The following CTSH variants were observed in gnomAD, a reference collection of about 807,000 sequenced individuals.
The protein encoded by CTSH is cathepsin H.
In CTSH, 52 loss-of-function variants were observed where a neutral mutation model predicts 56.3. That is an observed-to-expected ratio of 0.92 (90% confidence interval 0.74 to 1.16). CTSH has a LOEUF of 1.16. Ranked by LOEUF, CTSH falls within the 50% of genes most tolerant of loss-of-function variation. CTSH has a pLI of 0.00. For synonymous variants in CTSH, 174 were observed against 155.7 expected (o/e 1.12, Z -0.88); for missense variants, 406 against 424.5 (o/e 0.96, Z 0.38).
At chr15:78,937,162 A>G (rs1286781599) in intron 3 of CTSH, 156 bp downstream of exon 3, 1 of 632,624 alleles carries the variant, frequency 1.6e-6, no homozygotes, top group African/African-American at 1.8e-5. Context: ...CACATTACAC[A>G]GAGAGTAACA....
rs562562676 is a variant in CTSH, at chr15:78,931,447, G to T, written c.548+4C>A. ...TTTTGGGCCCCTTCTGGTCAGAGACGTACCCTTGGCAGCCGTGATTATTGA... is the reference window on the plus strand; with the variant it reads ...TTTTGGGCCCCTTCTGGTCAGAGACTTACCCTTGGCAGCCGTGATTATTGA... On this transcript the variant is annotated splice_donor_region_variant and intron_variant, in intron 7 of 11. Transcript: ENST00000220166. 3 of 1,614,172 alleles carry T rather than the reference G, an allele frequency of 1.9e-6. No individual in the cohort carries two copies. The highest frequency in any genetic ancestry group is 2.5e-6 in the Non-Finnish European group (3 of 1,180,026).
chr15:78,922,093 C>T lies in CTSH; in HGVS notation c.*37G>A. The T allele has an allele frequency of 6.5e-7, 1 of 1,544,792 alleles. No homozygotes were observed. The highest frequency in any genetic ancestry group is 2.4e-5 in the East Asian group (1 of 41,008). Reference sequence around the variant, plus strand: ...ACCCAGGCCCAGGCTGCCCGTTCCTCTCCTTCTCCGCCAGTCTGCGCTGCG... The same window carrying T: ...ACCCAGGCCCAGGCTGCCCGTTCCTTTCCTTCTCCGCCAGTCTGCGCTGCG... On this transcript the variant is annotated 3_prime_UTR_variant, in exon 12 of 12. Transcript: ENST00000220166.
In CTSH at chr15:78,921,831, C is replaced by T. The variant is rs2054774675; in HGVS notation, c.*299G>A. On this transcript the variant is annotated 3_prime_UTR_variant, in exon 12 of 12. Coordinates refer to ENST00000220166, the MANE Select transcript of CTSH (RefSeq NM_004390.5). ...AATACAGAAAAGACAGTCCCTGGAG[C>T]TCTATATGTGGAAAGTAGCCCTTCT... The T allele has an allele frequency of 2.5e-6, 1 of 402,488 alleles. No individual in the cohort carries two copies. The highest frequency in any genetic ancestry group is 4.5e-6 in the Non-Finnish European group (1 of 221,070). The allele number at this position is 402,488 out of a possible 1,614,324, so 24.9% of individuals were successfully genotyped here.
At chr15:78,938,192 A>AC (rs942497070) in intron 2 of CTSH, among the ~76,000 whole-genome samples, 54 of 152,170 alleles carry the variant, frequency 3.5e-4, no homozygotes, top group African/African-American at 1.3e-3. Context: ...AACATGGCGA[A>AC]CCCCCATCTC....
Position 78,922,041 on chromosome 15 carries a change from C to T in CTSH, c.*89G>A. Reference sequence around the variant, plus strand: ...TGTTGGGGGTCCCAGTGGATCTCCCCACAACTTCCTCCAGGGCAGGATTTC... The same window carrying T: ...TGTTGGGGGTCCCAGTGGATCTCCCTACAACTTCCTCCAGGGCAGGATTTC... On this transcript the variant is annotated 3_prime_UTR_variant, in exon 12 of 12. Coordinates refer to ENST00000220166, the MANE Select transcript of CTSH (RefSeq NM_004390.5). 7.8e-7 allele frequency: 1 copy of T among 1,276,340 alleles called. No homozygotes were observed. The highest frequency in any genetic ancestry group is 1.1e-6 in the Non-Finnish European group (1 of 903,904). The allele number at this position is 1,276,340 out of a possible 1,614,324, so 79.1% of individuals were successfully genotyped here.
chr15:78,943,304 G>A (rs1044251714), intron 1 of CTSH, among the ~76,000 whole-genome samples: 1 of 152,058 alleles, frequency 6.6e-6, no homozygotes, highest in African/African-American at 2.4e-5. Context: ...ACCCAGGCTG[G>A]AGTGATCGCC....
intron 10 of CTSH, among the ~76,000 whole-genome samples, chr15:78,924,119 A>AGG (rs1567345760): frequency 8.8e-4 from 2 of 2,278 alleles, no homozygotes; most frequent in Non-Finnish European, 8.9e-4. Flanking sequence ...GAGGGTGGGC[A>AGG]GGGTGGGTCA....
chr15:78,927,522 A>G (rs934156744), intron 9 of CTSH, 191 bp downstream of exon 9: 1 of 589,162 alleles, frequency 1.7e-6, no homozygotes. Context: ...CCTGCCTGCC[A>G]GTTTGCGCTC....
At chr15:78,931,547 G>A in intron 6 of CTSH, 41 bp from the exon 7 acceptor site, 1 of 1,614,082 alleles carries the variant, frequency 6.2e-7, no homozygotes, top group Non-Finnish European at 8.5e-7. Flanking sequence ...CAGCTGAGAA[G>A]CCGTCAAGGC....
chr15:78,928,631 G>A (rs2054975272), intron 8 of CTSH, among the ~76,000 whole-genome samples: 1 of 151,336 alleles, frequency 6.6e-6, no homozygotes, highest in South Asian at 2.1e-4. Flanking sequence ...GTTGGAGTCT[G>A]GGCTTTCTCC....
At chr15:78,929,106 A>T (rs1160279829) in intron 8 of CTSH, among the ~76,000 whole-genome samples, 1 of 150,958 alleles carries the variant, frequency 6.6e-6, no homozygotes, top group Non-Finnish European at 1.5e-5. Flanking sequence ...GGCAGGAGGG[A>T]GAGGAGCCAG....
intron 7 of CTSH, 51 bp downstream of exon 7, chr15:78,931,400 C>A (rs369885048): frequency 6.2e-7 from 1 of 1,609,800 alleles, no homozygotes; most frequent in Non-Finnish European, 8.5e-7. Context: ...CCTGTCGAAG[C>A]GGTCAGTGGG....
rs2141535660 is a variant in CTSH, at chr15:78,931,476, C to T, written c.523G>A (p.Asp175Asn). The T allele has an allele frequency of 6.2e-7, 1 of 1,614,220 alleles. No homozygotes were observed. Among genetic ancestry groups the T allele is most frequent in the Non-Finnish European group, 8.5e-7 (1 of 1,180,036 alleles). ...CCTTGGCAGCCGTGATTATTGAAGT[C>T]CTGGGCGCAGTCCACCAGCTGCTGT... ...AEQQLVDCAQ[D>N]FNNHGCQGGL... The change falls in exon 7 of 12, where the codon GAC becomes AAC. Residue 175 changes from aspartate (D) to asparagine (N), a missense_variant. Asp to Asn is a conservative substitution (Grantham distance 23). Coordinates refer to ENST00000220166, the MANE Select transcript of CTSH (RefSeq NM_004390.5).
intron 5 of CTSH, among the ~76,000 whole-genome samples, chr15:78,932,710 A>C (rs1300128969): frequency 3.9e-5 from 6 of 152,102 alleles, no homozygotes; most frequent in Non-Finnish European, 8.8e-5. Flanking sequence ...AGAGGCTTGC[A>C]AAGGAGCAGG....
intron 8 of CTSH, among the ~76,000 whole-genome samples, chr15:78,928,734 G>T (rs898808850): frequency 6.6e-6 from 1 of 152,082 alleles, no homozygotes; most frequent in Non-Finnish European, 1.5e-5. Flanking sequence ...CACCCTCAGG[G>T]GTCTGGATGG....
At chr15:78,929,605 G>T (rs970338924) in intron 7 of CTSH, 112 bp from the exon 8 acceptor site, 3 of 662,412 alleles carry the variant, frequency 4.5e-6, no homozygotes, top group Middle Eastern at 3.3e-4. Context: ...ACTTGGTTGG[G>T]CATGTCCCAG....
At chr15:78,925,514 C>T (rs552800754) in intron 9 of CTSH, 74 bp from the exon 10 acceptor site, 16 of 1,050,834 alleles carry the variant, frequency 1.5e-5, no homozygotes, top group African/African-American at 6.3e-5. Context: ...AGCCTTTTGC[C>T]TCAAGCTAGG....
chr15:78,925,455 C>A lies in CTSH; in HGVS notation c.700-15G>T, dbSNP rs2141520613. 6.4e-7 allele frequency: 1 copy of A among 1,569,504 alleles called. No individual in the cohort carries two copies. The highest frequency in any genetic ancestry group is 8.8e-7 in the Non-Finnish European group (1 of 1,139,802). On this transcript the variant is annotated splice_polypyrimidine_tract_variant and intron_variant, in intron 9 of 11. Coordinates refer to ENST00000220166, the MANE Select transcript of CTSH (RefSeq NM_004390.5). ...TCCTCGTCATACTGTGGAAACAGGACCGAGACAGAAACACATGGCCTGTCA... is the reference window on the plus strand; with the variant it reads ...TCCTCGTCATACTGTGGAAACAGGAACGAGACAGAAACACATGGCCTGTCA...
In CTSH at chr15:78,944,983, G is replaced by A; in HGVS notation, c.-2C>T. 6.5e-7 allele frequency: 1 copy of A among 1,534,322 alleles called. No individual in the cohort carries two copies. Among genetic ancestry groups the A allele is most frequent in the Non-Finnish European group, 8.8e-7 (1 of 1,141,444 alleles). On this transcript the variant is annotated 5_prime_UTR_variant, in exon 1 of 12. Transcript: ENST00000220166. Reference sequence around the variant, plus strand: ...GAGCAGCGGCAGCGTGGCCCACATCGCAGCGCTGGCGGCTTGGCTCTTGCG... The same window carrying A: ...GAGCAGCGGCAGCGTGGCCCACATCACAGCGCTGGCGGCTTGGCTCTTGCG...
Sources: gnomAD v4.1 joint callset for allele counts (sites outside exome capture counted in the v4.1 genomes callset) on GRCh38, gnomAD v4.1.1 for gene constraint, MANE v1.5 for transcripts, NCBI Gene and HGNC (gene_info 2026-07-23, HGNC 2026-07-21) for gene names.